NRG1: variants seen among roughly 807,000 people sequenced by gnomAD.
NRG1 encodes pro-neuregulin-1, membrane-bound isoform.
In NRG1, 18 loss-of-function variants were observed where a neutral mutation model predicts 63.8. The ratio of observed to expected loss-of-function variants is 0.28; its 90% CI spans 0.19 to 0.42. The LOEUF (loss-of-function observed/expected upper bound fraction) is 0.42, where lower values mean the gene tolerates loss of function less well. Ranked by LOEUF, NRG1 falls within the 10% of genes least tolerant of loss-of-function variation. The probability of loss-of-function intolerance (pLI) is 1.00; values close to 1 mark genes in which losing one functional copy is unlikely to be tolerated. For missense variants in NRG1, 762 were observed against 814.7 expected, an observed-to-expected ratio of 0.94 and a Z score of 0.79; for synonymous variants, 302 against 301.3, an observed-to-expected ratio of 1.00 and a Z score of -0.02.
At chr8:32,216,546 T>G (rs150638584) in intron 1 of NRG1, among the ~76,000 whole-genome samples, 241 of 149,962 alleles carry the variant, frequency 1.6e-3, no homozygotes, top group African/African-American at 5.5e-3. Context: ...TAAATTCTAT[T>G]AGTTGGAATG....
chr8:32,093,960 G>C (rs1829546864), intron 1 of NRG1, among the ~76,000 whole-genome samples: 1 of 152,148 alleles, frequency 6.6e-6, no homozygotes, highest in African/African-American at 2.4e-5. Flanking sequence ...TTCACATTTA[G>C]GTTTGAAAGC....
chr8:32,629,934 A>G (rs1849978442), intron 5 of NRG1, among the ~76,000 whole-genome samples: 3 of 152,238 alleles, frequency 2.0e-5, no homozygotes, highest in South Asian at 4.1e-4. Flanking sequence ...TGACAATAAT[A>G]TATTTTAATA....
intron 1 of NRG1, among the ~76,000 whole-genome samples, chr8:32,073,391 A>G (rs1008305106): frequency 2.1e-4 from 32 of 152,158 alleles, no homozygotes; most frequent in Admixed American, 1.6e-3. Context: ...AGAAAATAGA[A>G]CACAGGAATA....
chr8:31,675,357 CT>C (rs1414470920), intron 1 of NRG1, among the ~76,000 whole-genome samples: 1 of 152,050 alleles, frequency 6.6e-6, no homozygotes, highest in African/African-American at 2.4e-5. Context: ...AAAAAAGTTG[CT>C]GCTGTAGAGT....
chr8:32,228,869 A>G (rs1846608848), intron 1 of NRG1, among the ~76,000 whole-genome samples: 1 of 152,208 alleles, frequency 6.6e-6, no homozygotes, highest in Non-Finnish European at 1.5e-5. Flanking sequence ...AGTTCTCTTT[A>G]GAAATAAACT....
chr8:32,127,295 G>A (rs1459036388), intron 1 of NRG1, among the ~76,000 whole-genome samples: 3 of 151,834 alleles, frequency 2.0e-5, no homozygotes, highest in Admixed American at 2.0e-4. Flanking sequence ...TTACAGCAGT[G>A]TTAGCCTAAT....
chr8:32,773,304 G>T (rs2129067854), intron 7 of NRG1, among the ~76,000 whole-genome samples: 1 of 152,222 alleles, frequency 6.6e-6, no homozygotes, highest in African/African-American at 2.4e-5. Flanking sequence ...TTTGGATTCT[G>T]CTCTGTTTGC....
chr8:32,549,412 G>A (rs1470828549), intron 1 of NRG1, among the ~76,000 whole-genome samples: 1 of 152,206 alleles, frequency 6.6e-6, no homozygotes, highest in South Asian at 2.1e-4. Flanking sequence ...CTGTGCTACG[G>A]AGACTCAAGA....
intron 1 of NRG1, among the ~76,000 whole-genome samples, chr8:31,722,997 T>G (rs1051795688): frequency 2.0e-5 from 3 of 152,134 alleles, no homozygotes; most frequent in Non-Finnish European, 4.4e-5. Flanking sequence ...AAAACAACAT[T>G]GATATATGAA....
intron 5 of NRG1, among the ~76,000 whole-genome samples, chr8:32,637,909 C>T (rs541861271): frequency 1.3e-5 from 2 of 152,088 alleles, no homozygotes; most frequent in East Asian, 1.9e-4. Flanking sequence ...CACAAGTGGT[C>T]GTGGGAGCAT....
chr8:31,783,887 G>A (rs1214745690), intron 1 of NRG1, among the ~76,000 whole-genome samples: 1 of 152,144 alleles, frequency 6.6e-6, no homozygotes, highest in African/African-American at 2.4e-5. Flanking sequence ...CAATTATTGA[G>A]TCTAAATATA....
At chr8:32,458,436 A>G (rs982946308) in intron 1 of NRG1, among the ~76,000 whole-genome samples, 3 of 152,260 alleles carry the variant, frequency 2.0e-5, no homozygotes, top group East Asian at 3.8e-4. Flanking sequence ...TCAAAGAGCT[A>G]TAAGAAGAAA....
chr8:32,234,189 T>G (rs1431184087), intron 1 of NRG1, among the ~76,000 whole-genome samples: 2 of 152,212 alleles, frequency 1.3e-5, no homozygotes, highest in Admixed American at 1.3e-4. Flanking sequence ...AATCTTTCTC[T>G]TTCTAACTTC....
intron 1 of NRG1, among the ~76,000 whole-genome samples, chr8:32,469,905 T>G (rs915473571): frequency 3.9e-5 from 6 of 152,220 alleles, no homozygotes; most frequent in African/African-American, 1.4e-4. Context: ...TCGCCCAGGC[T>G]GGACTGCAGT....
chr8:32,541,772 C>A (rs6468118), intron 1 of NRG1, among the ~76,000 whole-genome samples: 1 of 151,862 alleles, frequency 6.6e-6, no homozygotes, highest in African/African-American at 2.4e-5. Context: ...CAGAAAATGA[C>A]CGCCAAGTAT....
At chr8:31,645,994 G>A (rs1804251631) in intron 1 of NRG1, among the ~76,000 whole-genome samples, 1 of 152,200 alleles carries the variant, frequency 6.6e-6, no homozygotes, top group African/African-American at 2.4e-5. Flanking sequence ...AGGATTGCTA[G>A]TCATTATCAT....
rs576969353 is a variant in NRG1, at chr8:32,601,717, T to TA, written c.279-3843dup. Among the ~76,000 whole-genome samples, 1,110 of 152,164 alleles carry TA rather than the reference T, an allele frequency of 7.3e-3. 4 individuals are homozygous for TA. Among genetic ancestry groups the TA allele is most frequent in the Non-Finnish European group, 0.013 (878 of 67,976 alleles). On this transcript the variant is annotated intron_variant, in intron 2 of 11. Coordinates refer to ENST00000356819, the Ensembl canonical transcript of NRG1. ...CTGATCACCCTCTTCTAAAGTCCTT[T>TA]AATTATGTTTTTTTATCATCAAATA...
chr8:32,544,267 T>C (rs1376650199), upstream of NRG1, among the ~76,000 whole-genome samples: 1 of 152,156 alleles, frequency 6.6e-6, no homozygotes, highest in Non-Finnish European at 1.5e-5. Flanking sequence ...TAATTTCTTA[T>C]TACCTAAATT....
chr8:32,338,020 T>C (rs144606113), intron 1 of NRG1, among the ~76,000 whole-genome samples: 1 of 152,310 alleles, frequency 6.6e-6, no homozygotes, highest in African/African-American at 2.4e-5. Context: ...AGACTTGGAA[T>C]ACACAGTGCC....
Sources: allele counts gnomAD v4.1 joint callset (sites outside exome capture counted in the v4.1 genomes callset), GRCh38; gene constraint gnomAD v4.1.1; transcripts MANE v1.5; gene names NCBI Gene and HGNC (gene_info 2026-07-23, HGNC 2026-07-21).